SPOCK3: variants seen among roughly 807,000 people sequenced by gnomAD.
SPOCK3 encodes the protein SPARC (osteonectin), cwcv and kazal like domains proteoglycan 3, also known as testican-3.
A neutral mutation model predicts 56.6 loss-of-function variants in SPOCK3; 30 were observed. That is an observed-to-expected ratio of 0.53 (90% CI 0.40 to 0.72). The LOEUF (loss-of-function observed/expected upper bound fraction) is 0.72, where lower values mean the gene tolerates loss of function less well. SPOCK3 is among the 30% of genes least tolerant of loss of function. The pLI is 0.00. For synonymous variants in SPOCK3, 196 were observed against 183.3 expected, an observed-to-expected ratio of 1.07 and a Z score of -0.56; for missense variants, 527 against 530.0, an observed-to-expected ratio of 0.99 and a Z score of 0.06.
At chr4:166,960,028 G>A (rs946058953) in intron 4 of SPOCK3, among the ~76,000 whole-genome samples, 2 of 152,062 alleles carry the variant, frequency 1.3e-5, no homozygotes, top group African/African-American at 2.4e-5. Flanking sequence ...GTTACCCCTA[G>A]AGTATAAACC....
At chr4:166,903,169 A>T (rs942528015) in intron 5 of SPOCK3, among the ~76,000 whole-genome samples, 3 of 148,312 alleles carry the variant, frequency 2.0e-5, no homozygotes, top group Admixed American at 6.8e-5. Context: ...TTAAAAATTA[A>T]TAAATATTAA....
intron 2 of SPOCK3, among the ~76,000 whole-genome samples, chr4:167,205,580 A>ATAATATATATTATATATATAAT (rs1734229750): frequency 1.1e-5 from 1 of 92,402 alleles, no homozygotes; most frequent in African/African-American, 4.2e-5. Flanking sequence ...TATATAATAT[A>ATAATATATATTATATATATAAT]ATATAAAATA....
intron 7 of SPOCK3, among the ~76,000 whole-genome samples, chr4:166,778,488 C>G (rs1739815117): frequency 6.6e-6 from 1 of 152,096 alleles, no homozygotes; most frequent in Non-Finnish European, 1.5e-5. Flanking sequence ...TACTGTAATA[C>G]TGTCAGATTT....
At chr4:167,183,790 T>C (rs1040855261) in intron 2 of SPOCK3, among the ~76,000 whole-genome samples, 1 of 152,164 alleles carries the variant, frequency 6.6e-6, no homozygotes, top group South Asian at 2.1e-4. Flanking sequence ...TAAAAGACTA[T>C]GAGAACAATG....
At chr4:167,051,515 A>C (rs1754196460) in intron 3 of SPOCK3, among the ~76,000 whole-genome samples, 1 of 152,226 alleles carries the variant, frequency 6.6e-6, no homozygotes, top group South Asian at 2.1e-4. Context: ...TGGGCAGACA[A>C]TCATTAGCAG....
chr4:167,030,851 C>G (rs1369408263), intron 3 of SPOCK3, among the ~76,000 whole-genome samples: 4 of 152,002 alleles, frequency 2.6e-5, no homozygotes, highest in Non-Finnish European at 5.9e-5. Context: ...ATACCTGTTT[C>G]TCCAACAAGC....
chr4:166,754,818 G>T, intron 7 of SPOCK3, 89 bp from the exon 8 acceptor site: 1 of 1,163,158 alleles, frequency 8.6e-7, no homozygotes, highest in Non-Finnish European at 1.2e-6. Context: ...GGTAGCTAGT[G>T]TAGGACATCT....
chr4:166,914,657 C>G (rs1471768438), intron 4 of SPOCK3, among the ~76,000 whole-genome samples: 1 of 152,082 alleles, frequency 6.6e-6, no homozygotes, highest in Non-Finnish European at 1.5e-5. Context: ...ATAATCCCCG[C>G]TACTCAGGAG....
chr4:166,925,541 A>G (rs1454117654), intron 4 of SPOCK3, among the ~76,000 whole-genome samples: 1 of 152,122 alleles, frequency 6.6e-6, no homozygotes, highest in Non-Finnish European at 1.5e-5. Context: ...AATAATATAG[A>G]TATTTGAAGC....
chr4:167,160,282 C>A (rs537100860), intron 2 of SPOCK3, among the ~76,000 whole-genome samples: 1 of 152,072 alleles, frequency 6.6e-6, no homozygotes, highest in Non-Finnish European at 1.5e-5. Flanking sequence ...GAGTGAACTC[C>A]CATTCACAAT....
Position 167,055,738 on chromosome 4 carries a change from C to T in SPOCK3, c.235+6754G>A, listed in dbSNP as rs993696863. 4.6e-5 allele frequency among the ~76,000 whole-genome samples: 7 copies of T among 152,282 alleles called. No homozygotes were observed. The East Asian group carries it at 7.7e-4, about 17-fold the overall frequency. Reference sequence around the variant, plus strand: ...CTGAGATCAAACTGCAAGGCTGCAGCGAGGCTGGGGGAGGGAGCCCGCCAT... The same window carrying T: ...CTGAGATCAAACTGCAAGGCTGCAGTGAGGCTGGGGGAGGGAGCCCGCCAT... On this transcript the variant is annotated intron_variant, in intron 3 of 10. Coordinates refer to ENST00000357545, the MANE Select transcript of SPOCK3 (RefSeq NM_001040159.2).
intron 6 of SPOCK3, among the ~76,000 whole-genome samples, chr4:166,834,769 T>A (rs1746435618): frequency 6.6e-6 from 1 of 152,230 alleles, no homozygotes; most frequent in Non-Finnish European, 1.5e-5. Context: ...GAGAAGTTTT[T>A]TTGAGTTAGG....
At chr4:167,051,490 A>G (rs1443770111) in intron 3 of SPOCK3, among the ~76,000 whole-genome samples, 1 of 152,222 alleles carries the variant, frequency 6.6e-6, no homozygotes, top group Non-Finnish European at 1.5e-5. Context: ...CAATCGTGCT[A>G]TTTCAGGAAG....
intron 2 of SPOCK3, among the ~76,000 whole-genome samples, chr4:167,204,946 C>A (rs1733885353): frequency 6.7e-6 from 1 of 149,162 alleles, no homozygotes; most frequent in Non-Finnish European, 1.5e-5. Context: ...CTCCCTCAGC[C>A]TCCTAGGTAG....
At chr4:166,850,369 G>C (rs1345103728) in intron 6 of SPOCK3, among the ~76,000 whole-genome samples, 1 of 152,234 alleles carries the variant, frequency 6.6e-6, no homozygotes, top group Non-Finnish European at 1.5e-5. Context: ...GATGTCTAGA[G>C]TTAAAGTGCT....
At chr4:167,205,184 G>A (rs866277478) in intron 2 of SPOCK3, among the ~76,000 whole-genome samples, 1 of 78,592 alleles carries the variant, frequency 1.3e-5, no homozygotes, top group South Asian at 3.5e-4. Flanking sequence ...ATATATTATA[G>A]ATATTTTATA....
chr4:167,120,362 T>C (rs1035028819), intron 2 of SPOCK3, among the ~76,000 whole-genome samples: 1 of 152,038 alleles, frequency 6.6e-6, no homozygotes, highest in Non-Finnish European at 1.5e-5. Context: ...ATCTGGTACA[T>C]AGTAAGGTTG....
intron 7 of SPOCK3, among the ~76,000 whole-genome samples, chr4:166,763,087 A>G (rs963585666): frequency 1.3e-5 from 2 of 152,012 alleles, no homozygotes; most frequent in African/African-American, 2.4e-5. Context: ...AAGAAAACCA[A>G]ACTAAAGCAT....
At chr4:167,212,720 A>G (rs895086836) in intron 2 of SPOCK3, among the ~76,000 whole-genome samples, 2 of 152,174 alleles carry the variant, frequency 1.3e-5, no homozygotes, top group Non-Finnish European at 2.9e-5. Context: ...ACATTTCTCC[A>G]CCCACTACAT....
Sources: allele counts gnomAD v4.1 joint callset (sites outside exome capture counted in the v4.1 genomes callset), GRCh38; gene constraint gnomAD v4.1.1; transcripts MANE v1.5; gene names NCBI Gene and HGNC (gene_info 2026-07-23, HGNC 2026-07-21).